ATP6V1C2: variants seen among roughly 807,000 people sequenced by gnomAD.
The protein encoded by ATP6V1C2 is V-type proton ATPase subunit C 2.
In ATP6V1C2, 45 loss-of-function variants were observed where a neutral mutation model predicts 56.8. The observed-to-expected ratio is 0.79, with a 90% confidence interval of 0.62 to 1.02. ATP6V1C2 has a LOEUF of 1.02. ATP6V1C2 is among the 50% of genes least tolerant of loss of function. The probability of loss-of-function intolerance (pLI) is 0.00; values close to 1 mark genes in which losing one functional copy is unlikely to be tolerated. For synonymous variants in ATP6V1C2, 220 were observed against 201.3 expected, an observed-to-expected ratio of 1.09 and a Z score of -0.79; for missense variants, 463 against 519.7, an observed-to-expected ratio of 0.89 and a Z score of 1.06.
intron 8 of ATP6V1C2, 68 bp downstream of exon 8, chr2:10,772,678 C>A: frequency 7.4e-7 from 1 of 1,359,306 alleles, no homozygotes; most frequent in South Asian, 1.2e-5. Context: ...GGGCACCCAA[C>A]CACCAAACAT....
chr2:10,731,749 G>A (rs900841856), intron 3 of ATP6V1C2, among the ~76,000 whole-genome samples: 2 of 152,118 alleles, frequency 1.3e-5, no homozygotes, highest in Non-Finnish European at 2.9e-5. Flanking sequence ...TGAGATGGGT[G>A]GAATGCTTGA....
At chr2:10,754,353 G>A (rs1297236128) in intron 4 of ATP6V1C2, among the ~76,000 whole-genome samples, 2 of 152,024 alleles carry the variant, frequency 1.3e-5, no homozygotes, top group African/African-American at 4.8e-5. Context: ...AGCCTCCTGA[G>A]TAGCTGGGAC....
chr2:10,778,812 A>G (rs1665164194), intron 12 of ATP6V1C2, 143 bp downstream of exon 12: 2 of 744,550 alleles, frequency 2.7e-6, no homozygotes, highest in African/African-American at 3.5e-5. Flanking sequence ...AACACGCTCA[A>G]TTCCGAGTCA....
At chr2:10,736,458 G>A (rs1343943459) in intron 3 of ATP6V1C2, among the ~76,000 whole-genome samples, 3 of 152,078 alleles carry the variant, frequency 2.0e-5, no homozygotes, top group Admixed American at 6.6e-5. Flanking sequence ...CCTATATATT[G>A]TATCTATGCA....
chr2:10,752,330 G>A (rs1663267171), intron 3 of ATP6V1C2, among the ~76,000 whole-genome samples: 1 of 152,142 alleles, frequency 6.6e-6, no homozygotes, highest in East Asian at 1.9e-4. Flanking sequence ...TGTTTTCTGT[G>A]TTGGGCCCTA....
Position 10,763,281 on chromosome 2 carries a change from C to T in ATP6V1C2, c.284-1050C>T, listed in dbSNP as rs1015854172. Reference sequence around the variant, plus strand: ...ACGGCCACCTCCTCTTCCCCTTAGCCTCCACGTGAATACCATGTCTGTGTC... The same window carrying T: ...ACGGCCACCTCCTCTTCCCCTTAGCTTCCACGTGAATACCATGTCTGTGTC... On this transcript the variant is annotated intron_variant, in intron 4 of 13. Transcript: ENST00000272238. This position sits in a 1 kb window ranked among gnomAD's most constrained non-coding sequence, Gnocchi z 4.2. Among the ~76,000 whole-genome samples, 3 of 152,172 alleles carry T rather than the reference C, an allele frequency of 2.0e-5. No individual in the cohort carries two copies. The highest frequency in any genetic ancestry group is 7.2e-5 in the African/African-American group (3 of 41,428).
chr2:10,768,733 C>T lies in ATP6V1C2; in HGVS notation c.393C>T (p.Ile131=), dbSNP rs762995984. The T allele has an allele frequency of 7.4e-6, 12 of 1,613,882 alleles. No individual in the cohort carries two copies. Among genetic ancestry groups the T allele is most frequent in the Middle Eastern group, 1.6e-4 (1 of 6,076 alleles). The change falls in exon 6 of 14, where the codon ATC becomes ATT. Residue 131 remains isoleucine (I), a synonymous_variant. Transcript: ENST00000272238. ...VDTIAKQLAQ[I]EMDLKSRTAA... ...TCCCAAAACAGCAACTGGCGCAGAT[C>T]GAGATGGACCTGAAGTCCCGAACGG... is the stretch of plus-strand genomic sequence containing the variant.
chr2:10,746,493 A>C (rs1419131836), intron 3 of ATP6V1C2, among the ~76,000 whole-genome samples: 3 of 149,910 alleles, frequency 2.0e-5, no homozygotes, highest in Non-Finnish European at 4.4e-5. Flanking sequence ...GTCCACTGCA[A>C]CCTCCACCTC....
At chr2:10,779,238 G>C (rs1184160356) in intron 12 of ATP6V1C2, among the ~76,000 whole-genome samples, 4 of 151,420 alleles carry the variant, frequency 2.6e-5, no homozygotes, top group Non-Finnish European at 4.4e-5. Context: ...CCTAGTAGCT[G>C]GGATGACAGG....
At chr2:10,727,187 A>G (rs1311218152) in intron 3 of ATP6V1C2, among the ~76,000 whole-genome samples, 3 of 151,730 alleles carry the variant, frequency 2.0e-5, no homozygotes, top group Non-Finnish European at 4.4e-5. Flanking sequence ...CTCCTGCCTC[A>G]GCATCCTGAG....
At chr2:10,761,348 C>A in intron 4 of ATP6V1C2, among the ~76,000 whole-genome samples, 1 of 152,006 alleles carries the variant, frequency 6.6e-6, no homozygotes. Context: ...GGGAGGTGAG[C>A]TTGCCTGTGC....
chr2:10,753,028 G>A lies in ATP6V1C2; in HGVS notation c.198-953G>A, dbSNP rs551126990. Among the ~76,000 whole-genome samples, 3 of 152,114 alleles carry A rather than the reference G, an allele frequency of 2.0e-5. No homozygotes were observed. In the South Asian group the frequency reaches 6.2e-4, roughly 32 times the overall value. ...AGAACAAAAGAAAAAAAGAAAAATT[G>A]GCTAAAATCCTACATTTGGTAATTG... On this transcript the variant is annotated intron_variant, in intron 3 of 13. Transcript: ENST00000272238.
intron 5 of ATP6V1C2, among the ~76,000 whole-genome samples, 196 bp downstream of exon 5, chr2:10,764,621 G>A (rs1478126112): frequency 2.0e-5 from 3 of 152,240 alleles, no homozygotes; most frequent in African/African-American, 7.2e-5. Context: ...CAGTCCCCTG[G>A]CCTCCCCTCG....
chr2:10,779,845 T>A (rs1665240240), intron 12 of ATP6V1C2, among the ~76,000 whole-genome samples: 1 of 152,160 alleles, frequency 6.6e-6, no homozygotes, highest in African/African-American at 2.4e-5. Context: ...GTTGTTTTTT[T>A]ATGAATAGAT....
At chr2:10,761,937 C>T (rs906001824) in intron 4 of ATP6V1C2, among the ~76,000 whole-genome samples, 2 of 152,230 alleles carry the variant, frequency 1.3e-5, no homozygotes, top group South Asian at 2.1e-4. Flanking sequence ...GTTTGGTTGC[C>T]GGGCAGGTTC....
intron 3 of ATP6V1C2, among the ~76,000 whole-genome samples, chr2:10,745,468 C>T (rs953452609): frequency 2.6e-5 from 4 of 151,746 alleles, no homozygotes; most frequent in African/African-American, 9.7e-5. Flanking sequence ...GATTCTCCTG[C>T]CTCAGCCTCC....
chr2:10,740,561 C>G (rs1662493509), intron 3 of ATP6V1C2, among the ~76,000 whole-genome samples: 1 of 152,222 alleles, frequency 6.6e-6, no homozygotes, highest in African/African-American at 2.4e-5. Context: ...ATGTTTCTTT[C>G]TATCCCAAAT....
chr2:10,754,211 G>GCC, intron 4 of ATP6V1C2, 145 bp downstream of exon 4: 1 of 583,894 alleles, frequency 1.7e-6, no homozygotes, highest in Non-Finnish European at 3.0e-6. Context: ...CAGAGGCTCT[G>GCC]CACTTGCTTT....
intron 3 of ATP6V1C2, among the ~76,000 whole-genome samples, chr2:10,748,789 C>A (rs1271058514): frequency 6.6e-6 from 1 of 151,936 alleles, no homozygotes; most frequent in Non-Finnish European, 1.5e-5. Context: ...TAATTTTTTT[C>A]ATCTCTAAAA....
Sources: allele counts gnomAD v4.1 joint callset (sites outside exome capture counted in the v4.1 genomes callset), GRCh38; gene constraint gnomAD v4.1.1; non-coding constraint Gnocchi (gnomAD v3.1); transcripts MANE v1.5; gene names NCBI Gene and HGNC (gene_info 2026-07-23, HGNC 2026-07-21).